The following RAPGEF1 variants were observed in gnomAD, a reference collection of about 807,000 sequenced individuals.
RAPGEF1 encodes the protein Rap guanine nucleotide exchange factor 1, also known as CRK SH3-binding GNRP.
RAPGEF1 carries 33 observed loss-of-function variants against 143.3 expected under a neutral mutation model. The ratio of observed to expected loss-of-function variants is 0.23; its 90% CI spans 0.17 to 0.31. The LOEUF is 0.31. Among genes scored for constraint, RAPGEF1 ranks in the 10% least tolerant of loss-of-function variants. The probability of loss-of-function intolerance (pLI) is 1.00; values close to 1 mark genes in which losing one functional copy is unlikely to be tolerated. For missense variants in RAPGEF1, 1,199 were observed against 1,645.4 expected, an observed-to-expected ratio of 0.73 and a Z score of 4.69; for synonymous variants, 629 against 676.5, an observed-to-expected ratio of 0.93 and a Z score of 1.09.
chr9:131,687,961 T>C (rs2130987827), intron 1 of RAPGEF1, among the ~76,000 whole-genome samples: 3 of 152,262 alleles, frequency 2.0e-5, no homozygotes, highest in Admixed American at 2.0e-4. Context: ...AGCATAGCAA[T>C]TCTTCTGTAA....
Position 131,628,503 on chromosome 9 carries a change from C to T in RAPGEF1, c.1017+46G>A. On this transcript the variant is annotated intron_variant, in intron 8 of 26. Coordinates refer to ENST00000683357, the MANE Select transcript of RAPGEF1 (RefSeq NM_001377935.1). The surrounding 1 kb of genome is among the most constrained non-coding windows in gnomAD (Gnocchi z 5.7). ...TTCAGGAGCCACATCCCTGAGCCCC[C>T]CACCCCCTCCCTGCCTTCCCATGCA... The T allele has an allele frequency of 1.9e-6, 3 of 1,598,650 alleles. No homozygotes were observed. Among genetic ancestry groups the T allele is most frequent in the Non-Finnish European group, 2.6e-6 (3 of 1,169,376 alleles).
rs35867905 is a variant in RAPGEF1, at chr9:131,578,503, C to A, written c.*994G>T. 11,121 of 152,538 alleles carry A rather than the reference C, an allele frequency of 0.073. 592 individuals are homozygous for A. Among genetic ancestry groups the A allele is most frequent in the Middle Eastern group, 0.25 (74 of 298 alleles). 9.4% of individuals were successfully genotyped at this position (152,538 alleles called of 1,614,324 possible). ...CTGAAGAGCCAGAGGAGGAGCCCTGCTGGCTGGCCCAGGATGGGGCAAGGA... is the reference window on the plus strand; with the variant it reads ...CTGAAGAGCCAGAGGAGGAGCCCTGATGGCTGGCCCAGGATGGGGCAAGGA... On this transcript the variant is annotated 3_prime_UTR_variant, in exon 27 of 27. Coordinates refer to ENST00000683357, the MANE Select transcript of RAPGEF1 (RefSeq NM_001377935.1).
At chr9:131,612,584 C>T (rs1022558252) in intron 12 of RAPGEF1, among the ~76,000 whole-genome samples, 1 of 152,180 alleles carries the variant, frequency 6.6e-6, no homozygotes, top group Non-Finnish European at 1.5e-5. Flanking sequence ...GGAGGTAACG[C>T]CGTCTCCTCC....
intron 1 of RAPGEF1, among the ~76,000 whole-genome samples, chr9:131,677,987 C>G (rs560584056): frequency 1.3e-5 from 2 of 152,244 alleles, no homozygotes; most frequent in Non-Finnish European, 2.9e-5. Context: ...AAGCTCTTGT[C>G]TGCACTAGTT....
At chr9:131,606,261 C>G (rs1957092992) in intron 12 of RAPGEF1, among the ~76,000 whole-genome samples, 1 of 152,128 alleles carries the variant, frequency 6.6e-6, no homozygotes. Context: ...CAGAGGTGTT[C>G]CAGGACCTGG....
intron 9 of RAPGEF1, 88 bp from the exon 10 acceptor site, chr9:131,626,510 G>T: frequency 7.4e-7 from 1 of 1,352,860 alleles, no homozygotes; most frequent in Non-Finnish European, 1.0e-6. Context: ...TCGCCGGCTC[G>T]CTCATGGGTG....
chr9:131,716,250 C>T (rs573933417), intron 1 of RAPGEF1, among the ~76,000 whole-genome samples: 2 of 152,200 alleles, frequency 1.3e-5, no homozygotes, highest in South Asian at 2.1e-4. Flanking sequence ...AAGGACCCCC[C>T]CAATGATACA....
chr9:131,670,304 ACTT>A (rs912369265), intron 1 of RAPGEF1, among the ~76,000 whole-genome samples: 7 of 152,244 alleles, frequency 4.6e-5, no homozygotes, highest in Non-Finnish European at 1.0e-4. Context: ...TCAGTGTTCC[ACTT>A]AAGTCAGCAC....
intron 22 of RAPGEF1, among the ~76,000 whole-genome samples, chr9:131,585,822 C>T (rs1014527663): frequency 3.9e-5 from 6 of 152,142 alleles, no homozygotes; most frequent in South Asian, 4.2e-4. Context: ...GGGGCTTTGT[C>T]GCCTCTTGAA....
rs542347669 is a variant in RAPGEF1 at position 131,579,353 on chromosome 9, C to T, written c.*144G>A. On this transcript the variant is annotated 3_prime_UTR_variant, in exon 27 of 27. Coordinates refer to ENST00000683357, the MANE Select transcript of RAPGEF1 (RefSeq NM_001377935.1). ...GAAGCGGCTGGCAGGCTCCAGCTCC[C>T]GCCCGGCCCCGCTGAGGGCTGGCCA... The T allele has an allele frequency of 5.3e-5, 64 of 1,206,264 alleles. No homozygotes were observed. In the Middle Eastern group the frequency reaches 1.2e-3, roughly 22 times the overall value. The allele number at this position is 1,206,264 out of a possible 1,614,324, so 74.7% of individuals were successfully genotyped here.
intron 1 of RAPGEF1, among the ~76,000 whole-genome samples, chr9:131,682,334 C>T (rs1200179017): frequency 1.3e-5 from 2 of 152,210 alleles, no homozygotes; most frequent in Admixed American, 6.5e-5. Context: ...AGGGGCCCGT[C>T]CCGGGCCCCG....
At chr9:131,638,301 T>C (rs115118399) in intron 5 of RAPGEF1, among the ~76,000 whole-genome samples, 66 of 152,362 alleles carry the variant, frequency 4.3e-4, no homozygotes, top group African/African-American at 1.5e-3. Context: ...TGATATGACA[T>C]GCTGGGAGCT....
At position 131,650,994 on chromosome 9, in the gene RAPGEF1, A is replaced by G. The variant is rs774317066; in HGVS notation, c.62-45T>C. ...TGACTGTTAGATGGGAGTGGGAAGA[A>G]GCGATGGTTCATTGACCTTTTGTGG... is the stretch of plus-strand genomic sequence containing the variant. On this transcript the variant is annotated intron_variant, in intron 1 of 26. Transcript: ENST00000683357. The surrounding 1 kb of genome is among the most constrained non-coding windows in gnomAD (Gnocchi z 4.7). The G allele has an allele frequency of 1.3e-6, 2 of 1,595,376 alleles. No individual in the cohort carries two copies. The highest frequency in any genetic ancestry group is 2.2e-5 in the South Asian group (2 of 89,444).
chr9:131,684,939 C>T (rs1833214559), intron 1 of RAPGEF1, among the ~76,000 whole-genome samples: 1 of 152,176 alleles, frequency 6.6e-6, no homozygotes, highest in South Asian at 2.1e-4. Flanking sequence ...CACAGCCACC[C>T]ACCTGGGGAC....
intron 18 of RAPGEF1, 62 bp downstream of exon 18, chr9:131,592,037 G>A (rs1954373395): frequency 7.6e-7 from 1 of 1,319,096 alleles, no homozygotes; most frequent in Non-Finnish European, 1.1e-6. Context: ...AAGGGCAAGA[G>A]GGTCCCTCTC....
intron 1 of RAPGEF1, among the ~76,000 whole-genome samples, chr9:131,713,364 AG>A (rs1835644477): frequency 6.6e-6 from 1 of 152,102 alleles, no homozygotes; most frequent in East Asian, 1.9e-4. Context: ...TTCCTCAGAG[AG>A]GGGCAGGGAT....
chr9:131,711,217 A>C (rs1835481347), intron 1 of RAPGEF1, among the ~76,000 whole-genome samples: 1 of 151,622 alleles, frequency 6.6e-6, no homozygotes, highest in Non-Finnish European at 1.5e-5. Flanking sequence ...CGCCTGGCTA[A>C]TTTTTAAATT....
chr9:131,711,933 G>T (rs559409407), intron 1 of RAPGEF1, among the ~76,000 whole-genome samples: 80 of 152,260 alleles, frequency 5.3e-4, no homozygotes, highest in African/African-American at 1.9e-3. Flanking sequence ...CCTTTCTGAA[G>T]GAAGGGGAAA....
intron 1 of RAPGEF1, among the ~76,000 whole-genome samples, chr9:131,733,317 C>T (rs2131347522): frequency 7.3e-6 from 1 of 137,470 alleles, no homozygotes; most frequent in South Asian, 2.2e-4. Context: ...CCTGAACGTT[C>T]AGCACATGTA....
Sources: allele counts gnomAD v4.1 joint callset (sites outside exome capture counted in the v4.1 genomes callset), GRCh38; gene constraint gnomAD v4.1.1; non-coding constraint Gnocchi (gnomAD v3.1); transcripts MANE v1.5; gene names NCBI Gene and HGNC (gene_info 2026-07-23, HGNC 2026-07-21).